SASH1: variants seen among roughly 807,000 people sequenced by gnomAD.
The protein encoded by SASH1 is SAM and SH3 domain containing 1.
In SASH1, 44 loss-of-function variants were observed where a neutral mutation model predicts 125.2. The observed-to-expected ratio is 0.35, with a 90% CI of 0.28 to 0.45. The LOEUF is 0.45. SASH1 is among the 20% of genes least tolerant of loss of function. The pLI is 1.00. For missense variants in SASH1, 1,426 were observed against 1,614.5 expected (o/e 0.88, Z 2.00); for synonymous variants, 639 against 649.1 (o/e 0.98, Z 0.24).
Position 148,531,819 on chromosome 6 carries a change from G to GTGTT in SASH1, c.1564+164_1564+167dup, listed in dbSNP as rs141868671. 3.8e-3 allele frequency among the ~76,000 whole-genome samples: 573 copies of GTGTT among 152,298 alleles called. 4 individuals carry two copies. The highest frequency in any genetic ancestry group is 0.013 in the African/African-American group (545 of 41,572). On this transcript the variant is annotated intron_variant, in intron 13 of 19. Coordinates refer to ENST00000367467, the MANE Select transcript of SASH1 (RefSeq NM_015278.5). ...CAATAAACTCTCTGGACTCAGAGTC[G>GTGTT]TGTTTGTTTATTAGTAGACATGCAG...
chr6:148,298,240 T>C (rs1472877457), intron 1 of SASH1, among the ~76,000 whole-genome samples: 1 of 152,104 alleles, frequency 6.6e-6, no homozygotes, highest in Non-Finnish European at 1.5e-5. Context: ...CTTGAACTCC[T>C]GACCTTGGGT....
the SASH1 span, among the ~76,000 whole-genome samples, chr6:148,221,767 G>A: frequency 6.6e-6 from 1 of 152,172 alleles, no homozygotes; most frequent in Non-Finnish European, 1.5e-5. Flanking sequence ...ATTTCAAAGG[G>A]CACTGATAAC....
chr6:148,417,995 G>A (rs1016330717), intron 2 of SASH1, among the ~76,000 whole-genome samples: 4 of 152,200 alleles, frequency 2.6e-5, no homozygotes, highest in Non-Finnish European at 5.9e-5. Context: ...TCAATTTATA[G>A]GTGGAGATGT....
chr6:148,505,827 G>A (rs1165167392), intron 8 of SASH1, among the ~76,000 whole-genome samples: 7 of 151,160 alleles, frequency 4.6e-5, no homozygotes, highest in Admixed American at 4.6e-4. Context: ...TAGTAGAGAC[G>A]GGGTTTCACC....
chr6:148,318,805 C>G (rs1780554240), intron 1 of SASH1, among the ~76,000 whole-genome samples: 1 of 152,082 alleles, frequency 6.6e-6, no homozygotes, highest in South Asian at 2.1e-4. Context: ...CCCGCCTCAG[C>G]CTCCCAAAGT....
At chr6:148,288,720 A>C (rs1223156250) in intron 1 of SASH1, among the ~76,000 whole-genome samples, 2 of 151,896 alleles carry the variant, frequency 1.3e-5, no homozygotes, top group African/African-American at 4.8e-5. Flanking sequence ...CACACTTTCC[A>C]GGCTGAGGCC....
intron 16 of SASH1, among the ~76,000 whole-genome samples, chr6:148,537,112 T>C (rs1351592691): frequency 2.6e-5 from 4 of 152,186 alleles, no homozygotes; most frequent in Non-Finnish European, 4.4e-5. Context: ...GATAACATGA[T>C]AGGTTTCTGT....
chr6:148,416,095 C>T (rs1300781080), intron 2 of SASH1, among the ~76,000 whole-genome samples: 1 of 152,196 alleles, frequency 6.6e-6, no homozygotes, highest in African/African-American at 2.4e-5. Context: ...AGGTTACAGG[C>T]ATCACAGATG....
chr6:148,425,979 C>T (rs144089860), intron 2 of SASH1, among the ~76,000 whole-genome samples: 28,293 of 151,860 alleles, frequency 0.19, 2,978 homozygotes, highest in East Asian at 0.29. Context: ...GATGCCAAGG[C>T]GGGCAGATCA....
rs9497995 is a variant in SASH1 at position 148,302,664 on chromosome 6, C to A, written n.74+30287C>A. Among the ~76,000 whole-genome samples, 2 of 133,306 alleles carry A rather than the reference C, an allele frequency of 1.5e-5. 1 individual carries two copies. The highest frequency in any genetic ancestry group is 3.3e-5 in the Non-Finnish European group (2 of 60,060). 87.5% of individuals were successfully genotyped at this position (133,306 alleles called of 152,430 possible). ...CATTAGATGTGTGTGTATATATATA[C>A]ACACACACACACACACGGAGAAATA... On this transcript the variant is annotated intron_variant and non_coding_transcript_variant, in intron 1 of 3. Coordinates refer to the SASH1 transcript ENST00000367469.
intron 7 of SASH1, among the ~76,000 whole-genome samples, chr6:148,483,570 T>C (rs1778719263): frequency 6.6e-6 from 1 of 152,152 alleles, no homozygotes; most frequent in Non-Finnish European, 1.5e-5. Context: ...CTAGCCTCAC[T>C]CAGCCTGATT....
At chr6:148,492,519 T>TA (rs1242618314) in intron 8 of SASH1, among the ~76,000 whole-genome samples, 1 of 152,098 alleles carries the variant, frequency 6.6e-6, no homozygotes, top group African/African-American at 2.4e-5. Context: ...GAGCAGAGGT[T>TA]AAAATCACAT....
At chr6:148,471,349 G>GTTA in intron 5 of SASH1, 68 bp from the exon 6 acceptor site, 1 of 872,792 alleles carries the variant, frequency 1.1e-6, no homozygotes, top group Non-Finnish European at 1.6e-6. Flanking sequence ...GGCTACTTTT[G>GTTA]TTATTAATGA....
intron 1 of SASH1, chr6:148,272,498 G>C: frequency 2.7e-6 from 1 of 373,908 alleles, no homozygotes; most frequent in Non-Finnish European, 6.0e-6. Context: ...TCAGTATCTA[G>C]GGATTTTCAG....
intron 1 of SASH1, among the ~76,000 whole-genome samples, chr6:148,286,145 C>T (rs1482778135): frequency 1.3e-5 from 2 of 152,002 alleles, no homozygotes; most frequent in African/African-American, 2.4e-5. Flanking sequence ...TTCATGGACC[C>T]TCCATTAAGA....
At chr6:148,366,989 T>TA (rs1554244903) in intron 1 of SASH1, among the ~76,000 whole-genome samples, 18 of 147,538 alleles carry the variant, frequency 1.2e-4, no homozygotes, top group African/African-American at 3.5e-4. Context: ...TTTTTTTTTT[T>TA]AAGACTGAGT....
At chr6:148,265,473 G>A in the SASH1 span, among the ~76,000 whole-genome samples, 3 of 152,162 alleles carry the variant, frequency 2.0e-5, no homozygotes, top group African/African-American at 7.2e-5. Context: ...CTGAACTTCT[G>A]CAAAGAGTTT....
At chr6:148,368,214 G>C (rs1294638043) in intron 1 of SASH1, among the ~76,000 whole-genome samples, 3 of 152,186 alleles carry the variant, frequency 2.0e-5, no homozygotes, top group Admixed American at 6.5e-5. Context: ...CCGTACTTCT[G>C]TGGTGGTGAA....
chr6:148,522,358 G>C (rs1316318024), intron 10 of SASH1, among the ~76,000 whole-genome samples: 1 of 152,092 alleles, frequency 6.6e-6, no homozygotes, highest in Non-Finnish European at 1.5e-5. Flanking sequence ...TTTTTAAAAA[G>C]GGATTAATCT....
Sources: allele counts gnomAD v4.1 joint callset (sites outside exome capture counted in the v4.1 genomes callset), GRCh38; gene constraint gnomAD v4.1.1; transcripts MANE v1.5; gene names NCBI Gene and HGNC (gene_info 2026-07-23, HGNC 2026-07-21).